Variants in MAP3K5 observed in about 807,000 individuals in gnomAD.
The protein encoded by MAP3K5 is ASK-1.
Under a neutral mutation model 158.7 loss-of-function variants are expected in MAP3K5, and 56 were observed. The ratio of observed to expected loss-of-function variants is 0.35; its 90% confidence interval spans 0.28 to 0.44. The LOEUF (loss-of-function observed/expected upper bound fraction) is 0.44, where lower values mean the gene tolerates loss of function less well. MAP3K5 is among the 20% of genes least tolerant of loss of function. The pLI is 1.00. For missense variants in MAP3K5, 1,294 were observed against 1,674.8 expected, an observed-to-expected ratio of 0.77 and a Z score of 3.97; for synonymous variants, 579 against 601.7, an observed-to-expected ratio of 0.96 and a Z score of 0.55.
chr6:136,683,286 T>C (rs2114604054), intron 7 of MAP3K5, among the ~76,000 whole-genome samples: 1 of 152,334 alleles, frequency 6.6e-6, no homozygotes. Context: ...AAAGAAAGTC[T>C]GGAGTAAGTT....
Position 136,623,111 on chromosome 6 carries a change from G to T in MAP3K5, c.2017-130C>A, listed in dbSNP as rs1021146910. On this transcript the variant is annotated intron_variant, in intron 14 of 29. Transcript: ENST00000359015. ...CATTAACAGGCTGAAGTTCTAAGAA[G>T]CAGCTTCAAGGATGAACAAATAAAT... 2.2e-5 allele frequency: 17 copies of T among 771,998 alleles called. 1 individual carries two copies. In the South Asian group the frequency reaches 2.7e-4, roughly 12 times the overall value. 47.8% of individuals were successfully genotyped at this position (771,998 alleles called of 1,614,324 possible).
intron 1 of MAP3K5, among the ~76,000 whole-genome samples, chr6:136,724,444 C>T (rs913246275): frequency 1.6e-4 from 24 of 151,964 alleles, no homozygotes; most frequent in Admixed American, 1.1e-3. Flanking sequence ...GATGGGGTTT[C>T]GCCATGTTGG....
At chr6:136,588,642 G>C (rs1382654115) in intron 23 of MAP3K5, among the ~76,000 whole-genome samples, 1 of 152,194 alleles carries the variant, frequency 6.6e-6, no homozygotes, top group Non-Finnish European at 1.5e-5. Context: ...TTTGTTGAAT[G>C]AATAAATGAA....
chr6:136,594,495 C>T (rs1197107657), intron 21 of MAP3K5, among the ~76,000 whole-genome samples: 1 of 152,116 alleles, frequency 6.6e-6, no homozygotes, highest in Non-Finnish European at 1.5e-5. Context: ...TATGAGATGT[C>T]AAGTCCCTAA....
At chr6:136,592,015 C>T (rs1217659324) in intron 23 of MAP3K5, among the ~76,000 whole-genome samples, 158 bp downstream of exon 23, 1 of 152,184 alleles carries the variant, frequency 6.6e-6, no homozygotes, top group Non-Finnish European at 1.5e-5. Context: ...TATTCCCTAC[C>T]ATAGGGTTTG....
chr6:136,577,787 A>G (rs574005699), intron 25 of MAP3K5, among the ~76,000 whole-genome samples: 171 of 152,334 alleles, frequency 1.1e-3, no homozygotes, highest in African/African-American at 3.9e-3. Flanking sequence ...TATATCTTAC[A>G]TAACTATGGC....
intron 7 of MAP3K5, among the ~76,000 whole-genome samples, chr6:136,673,094 G>A (rs981297781): frequency 3.3e-5 from 5 of 151,852 alleles, no homozygotes; most frequent in South Asian, 2.1e-4. Flanking sequence ...AGAAATCTCC[G>A]ACAGTATTTA....
Position 136,586,259 on chromosome 6 carries a change from G to A in MAP3K5, c.3226-2519C>T, listed in dbSNP as rs190176116. Among the ~76,000 whole-genome samples, 721 of 152,330 alleles carry A rather than the reference G, an allele frequency of 4.7e-3. 5 individuals carry two copies. The highest frequency in any genetic ancestry group is 0.017 in the African/African-American group (690 of 41,582). ...AACATGTTCAAGAAGAAAAATGTGA[G>A]TTATGCAGAAATTGGAAGCTTCTCT... On this transcript the variant is annotated intron_variant, in intron 23 of 29. Transcript: ENST00000359015.
intron 1 of MAP3K5, among the ~76,000 whole-genome samples, chr6:136,768,558 A>T (rs1210088617): frequency 1.3e-5 from 2 of 152,214 alleles, no homozygotes; most frequent in Non-Finnish European, 2.9e-5. Context: ...ACTGGTGAAG[A>T]TGTTGAGAAA....
At position 136,698,537 on chromosome 6, in the gene MAP3K5, A is replaced by C; in HGVS notation, c.758T>G (p.Leu253Arg). The change falls in exon 4 of 30, where the codon CTT becomes CGT. Residue 253 changes from leucine to arginine, a missense_variant. Coordinates refer to ENST00000359015, the MANE Select transcript of MAP3K5 (RefSeq NM_005923.4). ...ELLLGPICLP[L>R]VDRFIQLLKV... Reference sequence around the variant, plus strand: ...CAAAAGTTGAATAAAACGATCCACAAGAGGTAAGCAGATGGGTCCAAGAAG... The same window carrying C: ...CAAAAGTTGAATAAAACGATCCACACGAGGTAAGCAGATGGGTCCAAGAAG... The C allele has an allele frequency of 6.2e-7, 1 of 1,614,060 alleles. No homozygotes were observed.
intron 15 of MAP3K5, among the ~76,000 whole-genome samples, chr6:136,619,845 G>A (rs1377878011): frequency 6.6e-6 from 1 of 152,244 alleles, no homozygotes; most frequent in African/African-American, 2.4e-5. Flanking sequence ...TACTGATGGA[G>A]TAGATGTGGA....
chr6:136,765,085 C>T (rs1783906023), intron 1 of MAP3K5, among the ~76,000 whole-genome samples: 1 of 151,432 alleles, frequency 6.6e-6, no homozygotes, highest in South Asian at 2.1e-4. Context: ...TCATTAGATT[C>T]CCCCAATCAA....
intron 1 of MAP3K5, among the ~76,000 whole-genome samples, chr6:136,751,150 C>CTTTT (rs10690202): frequency 0.021 from 2,925 of 138,486 alleles, 53 homozygotes; most frequent in Non-Finnish European, 0.034. Flanking sequence ...GCTCTGGCTG[C>CTTTT]TTTTTTTTTT....
intron 1 of MAP3K5, among the ~76,000 whole-genome samples, chr6:136,757,579 A>ATTTATTTTT (rs1562679137): frequency 5.0e-4 from 56 of 111,950 alleles, no homozygotes; most frequent in Non-Finnish European, 8.2e-4. Context: ...TTATTTATTT[A>ATTTATTTTT]TTTTTTATTT....
At chr6:136,739,021 GAC>G (rs1782599674) in intron 1 of MAP3K5, among the ~76,000 whole-genome samples, 1 of 152,056 alleles carries the variant, frequency 6.6e-6, no homozygotes, top group South Asian at 2.1e-4. Flanking sequence ...CAAGAGAAGA[GAC>G]AATCAAATAA....
Position 136,792,241 on chromosome 6 carries a change from C to A in MAP3K5, c.-84G>T. On this transcript the variant is annotated 5_prime_UTR_variant, in exon 1 of 30. Coordinates refer to ENST00000359015, the MANE Select transcript of MAP3K5 (RefSeq NM_005923.4). The surrounding 1 kb of genome is among the most constrained non-coding windows in gnomAD (Gnocchi z 5.7). ...AGCCACAGCTCGGGGCTGCTCCGCG[C>A]CCGCCGGGCTAAGCAGCTGCCATCG... 1 of 1,376,516 alleles carries A rather than the reference C, an allele frequency of 7.3e-7. No individual in the cohort carries two copies. The highest frequency in any genetic ancestry group is 1.7e-5 in the South Asian group (1 of 58,362). 85.3% of individuals were successfully genotyped at this position (1,376,516 alleles called of 1,614,324 possible). A position where few individuals can be genotyped will look rare whatever the true frequency, so the allele number is the denominator to read the frequency against.
chr6:136,581,348 T>C (rs115292519), intron 24 of MAP3K5, among the ~76,000 whole-genome samples: 2 of 152,330 alleles, frequency 1.3e-5, no homozygotes, highest in African/African-American at 4.8e-5. Context: ...ATCATGTGCA[T>C]TACCTTTGTA....
At chr6:136,598,618 T>C (rs959556498) in intron 21 of MAP3K5, among the ~76,000 whole-genome samples, 2 of 152,154 alleles carry the variant, frequency 1.3e-5, no homozygotes, top group Non-Finnish European at 2.9e-5. Flanking sequence ...GTCATGTCCC[T>C]CTCTAAAGGG....
chr6:136,614,327 A>T (rs754725935), intron 15 of MAP3K5, 41 bp from the exon 16 acceptor site: 7 of 1,598,412 alleles, frequency 4.4e-6, no homozygotes, highest in Non-Finnish European at 6.0e-6. Flanking sequence ...TTATGTAGCC[A>T]GACTTTACTG....
Sources: allele counts gnomAD v4.1 joint callset (sites outside exome capture counted in the v4.1 genomes callset), GRCh38; gene constraint gnomAD v4.1.1; non-coding constraint Gnocchi (gnomAD v3.1); transcripts MANE v1.5; gene names NCBI Gene and HGNC (gene_info 2026-07-23, HGNC 2026-07-21).